Variants in ZMYM4 observed in about 807,000 individuals in gnomAD.
ZMYM4 encodes zinc finger MYM-type containing 4, also known as zinc finger MYM-type protein 4.
In ZMYM4, 31 loss-of-function variants were observed where a neutral mutation model predicts 183.2. That is an observed-to-expected ratio of 0.17 (90% CI 0.13 to 0.23). The LOEUF (loss-of-function observed/expected upper bound fraction) is 0.23. Among genes scored for constraint, ZMYM4 ranks in the 10% least tolerant of loss-of-function variants. ZMYM4 has a pLI of 1.00. For missense variants in ZMYM4, 1,273 were observed against 1,840.3 expected (o/e 0.69, Z 5.64); for synonymous variants, 592 against 631.2 (o/e 0.94, Z 0.93).
chr1:35,302,199 G>GC (rs1641311561), intron 1 of ZMYM4, among the ~76,000 whole-genome samples: 6 of 93,298 alleles, frequency 6.4e-5, no homozygotes, highest in African/African-American at 3.3e-4. Flanking sequence ...AACGGCTCTT[G>GC]CTTTTTTTTT....
intron 1 of ZMYM4, among the ~76,000 whole-genome samples, chr1:35,312,510 A>G (rs185033168): frequency 1.3e-5 from 2 of 152,084 alleles, no homozygotes; most frequent in East Asian, 1.9e-4. Flanking sequence ...ACCCTCTACC[A>G]TATTCTTTTT....
intron 1 of ZMYM4, among the ~76,000 whole-genome samples, chr1:35,283,895 A>G (rs1428146382): frequency 6.6e-6 from 1 of 152,010 alleles, no homozygotes; most frequent in Non-Finnish European, 1.5e-5. Flanking sequence ...ATAATTTACA[A>G]ATATTTTTTT....
intron 4 of ZMYM4, 74 bp downstream of exon 4, chr1:35,361,329 A>T: frequency 9.2e-6 from 13 of 1,418,366 alleles, no homozygotes; most frequent in Non-Finnish European, 1.3e-5. Context: ...CAGTTTCTAA[A>T]TTCTAACAAT....
intron 1 of ZMYM4, among the ~76,000 whole-genome samples, chr1:35,275,568 T>C (rs1238941068): frequency 6.6e-6 from 1 of 152,314 alleles, no homozygotes; most frequent in East Asian, 1.9e-4. Flanking sequence ...TAGATAAATA[T>C]AAAATTTCAG....
intron 5 of ZMYM4, among the ~76,000 whole-genome samples, chr1:35,365,792 T>G (rs905422063): frequency 6.6e-6 from 1 of 152,200 alleles, no homozygotes; most frequent in South Asian, 2.1e-4. Flanking sequence ...TCTCAGAAAA[T>G]ATTTATTAGT....
chr1:35,384,841 C>CTTTTTTTTT (rs748891728), intron 9 of ZMYM4, among the ~76,000 whole-genome samples: 2 of 127,414 alleles, frequency 1.6e-5, no homozygotes, highest in South Asian at 2.5e-4. Flanking sequence ...TTTTCTTTTT[C>CTTTTTTTTT]TTTTTTTTTT....
At chr1:35,385,378 T>G (rs1644554396) in intron 9 of ZMYM4, 64 bp from the exon 10 acceptor site, 4 of 1,509,568 alleles carry the variant, frequency 2.6e-6, no homozygotes, top group Non-Finnish European at 3.6e-6. Context: ...GTATAAACAT[T>G]TCGAAGAATT....
intron 1 of ZMYM4, among the ~76,000 whole-genome samples, chr1:35,321,299 A>G (rs574417178): frequency 2.0e-5 from 3 of 152,214 alleles, no homozygotes; most frequent in South Asian, 4.1e-4. Context: ...TTATGGTACC[A>G]TAGAGGAGTA....
At chr1:35,294,032 G>A (rs895412680) in intron 1 of ZMYM4, among the ~76,000 whole-genome samples, 3 of 152,024 alleles carry the variant, frequency 2.0e-5, no homozygotes, top group Non-Finnish European at 2.9e-5. Flanking sequence ...CTACTTGGGA[G>A]GCTGAGGCAG....
chr1:35,380,480 G>A (rs531369452), intron 7 of ZMYM4, among the ~76,000 whole-genome samples: 6 of 152,074 alleles, frequency 3.9e-5, no homozygotes, highest in East Asian at 3.9e-4. Context: ...GGCACATGCC[G>A]CCACGCCTGG....
At chr1:35,367,241 C>CA (rs1289707207) in intron 5 of ZMYM4, among the ~76,000 whole-genome samples, 2 of 150,488 alleles carry the variant, frequency 1.3e-5, no homozygotes, top group African/African-American at 2.4e-5. Context: ...TTTTAAAAGA[C>CA]AGAGTTTCAC....
chr1:35,303,587 G>A (rs1285403562), intron 1 of ZMYM4, among the ~76,000 whole-genome samples: 1 of 152,116 alleles, frequency 6.6e-6, no homozygotes, highest in Non-Finnish European at 1.5e-5. Flanking sequence ...TGGATTTTTA[G>A]TAGAGACAGG....
intron 2 of ZMYM4, among the ~76,000 whole-genome samples, chr1:35,348,748 G>A (rs145161487): frequency 3.4e-4 from 52 of 152,214 alleles, no homozygotes; most frequent in Middle Eastern, 3.4e-3. Flanking sequence ...AAGATTTATT[G>A]TGTTTGTTCC....
Position 35,359,074 on chromosome 1 carries a change from C to G in ZMYM4, c.235C>G (p.Leu79Val), listed in dbSNP as rs1227955881. Residue 79 changes from leucine to valine, a missense_variant, in exon 3 of 30, where the codon CTT becomes GTT. Around this residue, in one of 6 missense-constraint regions of ZMYM4, gnomAD observed 384 missense variants for 465.6 expected, o/e 0.82. Transcript: ENST00000314607. Reference protein sequence around the residue: ...EDDYFLNSGDLAGIPVVGSDN... With the variant: ...EDDYFLNSGDVAGIPVVGSDN... Reference sequence around the variant, plus strand: ...TGATTATTTTTTGAACTCTGGGGATCTTGCAGGAATTCCAGTCGTTGGTAG... The same window carrying G: ...TGATTATTTTTTGAACTCTGGGGATGTTGCAGGAATTCCAGTCGTTGGTAG... 1.9e-6 allele frequency: 3 copies of G among 1,613,598 alleles called. No homozygotes were observed. The African/African-American group carries it at 4.0e-5, about 22-fold the overall frequency.
intron 1 of ZMYM4, among the ~76,000 whole-genome samples, chr1:35,302,636 C>T (rs573382235): frequency 1.1e-4 from 16 of 152,036 alleles, no homozygotes; most frequent in East Asian, 1.9e-4. Flanking sequence ...CCGCCCTCCT[C>T]GGCCTTCCAA....
intron 7 of ZMYM4, among the ~76,000 whole-genome samples, chr1:35,375,911 A>C (rs1406979863): frequency 6.6e-6 from 1 of 152,080 alleles, no homozygotes; most frequent in Admixed American, 6.6e-5. Flanking sequence ...CCTCATCTCT[A>C]CAAAAAGTTA....
intron 18 of ZMYM4, 74 bp downstream of exon 18, chr1:35,393,813 C>T (rs1056157179): frequency 2.8e-6 from 4 of 1,439,904 alleles, no homozygotes; most frequent in African/African-American, 2.9e-5. Context: ...ACATTGAGTA[C>T]CTGCTATTTC....
At chr1:35,403,798 A>T (rs961478866) in intron 23 of ZMYM4, among the ~76,000 whole-genome samples, 1 of 152,164 alleles carries the variant, frequency 6.6e-6, no homozygotes, top group African/African-American at 2.4e-5. Flanking sequence ...TTTAACTATG[A>T]TGGAATTTAA....
At chr1:35,371,189 C>T (rs1300698240) in intron 7 of ZMYM4, among the ~76,000 whole-genome samples, 1 of 150,294 alleles carries the variant, frequency 6.7e-6, no homozygotes, top group Non-Finnish European at 1.5e-5. Context: ...GATCTCGGCT[C>T]ACTGCAAGCT....
Sources: allele counts gnomAD v4.1 joint callset (sites outside exome capture counted in the v4.1 genomes callset), GRCh38; gene constraint gnomAD v4.1.1; regional missense constraint gnomAD v4.1.1; transcripts MANE v1.5; gene names NCBI Gene and HGNC (gene_info 2026-07-23, HGNC 2026-07-21).